The following CFAP92 variants were observed in gnomAD, a reference collection of about 807,000 sequenced individuals.
The protein encoded by CFAP92 is uncharacterized protein CFAP92.
CFAP92 carries 86 observed loss-of-function variants against 106.3 expected under a neutral mutation model. The ratio of observed to expected loss-of-function variants is 0.81; its 90% CI spans 0.68 to 0.97. The LOEUF (loss-of-function observed/expected upper bound fraction) is 0.97. Among genes scored for constraint, CFAP92 ranks in the 50% least tolerant of loss-of-function variants. CFAP92 has a pLI of 0.00. For synonymous variants in CFAP92, 477 were observed against 506.4 expected, an observed-to-expected ratio of 0.94 and a Z score of 0.78; for missense variants, 1,204 against 1,283.8, an observed-to-expected ratio of 0.94 and a Z score of 0.95.
rs1237392429 is a variant in CFAP92, at chr3:128,916,289, A to G, written c.2752-18T>C. ...ATATTTTTCTGAAGAAAGAGACACC[A>G]GTCACTACCCACACCAGGTCATCCT... On this transcript the variant is annotated intron_variant, in intron 12 of 15. Coordinates refer to ENST00000645291, the MANE Select transcript of CFAP92 (RefSeq NM_001394090.1). 1.6e-5 allele frequency: 20 copies of G among 1,231,706 alleles called. No homozygotes were observed. The highest frequency in any genetic ancestry group is 2.0e-5 in the Non-Finnish European group (20 of 987,688). The allele number at this position is 1,231,706 out of a possible 1,614,324, so 76.3% of individuals were successfully genotyped here. A position where few individuals can be genotyped will look rare whatever the true frequency, so the allele number is the denominator to read the frequency against.
At chr3:128,956,184 T>TAAAAAAAAAAAA (rs369899266) in intron 9 of CFAP92, among the ~76,000 whole-genome samples, 1 of 49,278 alleles carries the variant, frequency 2.0e-5, no homozygotes, top group Non-Finnish European at 3.8e-5. Context: ...AAAAATAAAT[T>TAAAAAAAAAAAA]AAAAAAAAAA....
At chr3:128,962,485 T>C (rs546682494) in intron 9 of CFAP92, among the ~76,000 whole-genome samples, 38 of 152,274 alleles carry the variant, frequency 2.5e-4, no homozygotes, top group African/African-American at 8.9e-4. Context: ...AACCAAATTA[T>C]CTGCTTCCCT....
intron 4 of CFAP92, among the ~76,000 whole-genome samples, chr3:128,982,359 T>C (rs1943586736): frequency 6.6e-6 from 1 of 152,256 alleles, no homozygotes; most frequent in African/African-American, 2.4e-5. Context: ...TGCAGCGTCC[T>C]CACCTCTCTC....
Position 128,910,169 on chromosome 3 carries a change from A to G in CFAP92, c.*130T>C. 4 of 1,613,918 alleles carry G rather than the reference A, an allele frequency of 2.5e-6. No individual in the cohort carries two copies. Among genetic ancestry groups the G allele is most frequent in the Non-Finnish European group, 3.4e-6 (4 of 1,180,036 alleles). ...CACGAGGTGAGCCCAGCCCAGCCTC[A>G]CACAGGGCCTGGCTGCTGCCATCTG... On this transcript the variant is annotated 3_prime_UTR_variant, in exon 16 of 16. Coordinates refer to ENST00000645291, the MANE Select transcript of CFAP92 (RefSeq NM_001394090.1).
At chr3:128,921,461 TG>T (rs779676736) in intron 12 of CFAP92, among the ~76,000 whole-genome samples, 33 of 152,242 alleles carry the variant, frequency 2.2e-4, no homozygotes, top group Non-Finnish European at 4.4e-4. Flanking sequence ...TTCAGTTAGC[TG>T]AATGTATTAA....
intron 12 of CFAP92, among the ~76,000 whole-genome samples, chr3:128,919,008 C>T (rs982964342): frequency 7.4e-6 from 1 of 135,760 alleles, no homozygotes; most frequent in Non-Finnish European, 1.5e-5. Context: ...AGTGGAATGG[C>T]GCGATCTTGG....
At chr3:128,968,362 T>C (rs1389950894) in intron 8 of CFAP92, 1 of 152,220 alleles carries the variant, frequency 6.6e-6, no homozygotes, top group Non-Finnish European at 1.5e-5. Flanking sequence ...ACATACATGA[T>C]CTATGGCCTA....
At chr3:129,012,479 T>G in the CFAP92 span, among the ~76,000 whole-genome samples, 2 of 152,164 alleles carry the variant, frequency 1.3e-5, no homozygotes, top group Non-Finnish European at 2.9e-5. Flanking sequence ...GGAACATGGC[T>G]GCAGGGACCC....
chr3:129,020,486 A>G, the CFAP92 span, among the ~76,000 whole-genome samples: 4 of 152,182 alleles, frequency 2.6e-5, no homozygotes, highest in East Asian at 7.7e-4. Context: ...AAAATACAAA[A>G]ATTGGCTGAG....
intron 4 of CFAP92, 166 bp from the exon 5 acceptor site, chr3:128,978,351 A>ACATAAT: frequency 1.6e-6 from 1 of 641,802 alleles, no homozygotes; most frequent in Non-Finnish European, 2.6e-6. Flanking sequence ...GTGCATATAA[A>ACATAAT]TTATGTTTAT....
At chr3:128,911,826 C>A (rs1936361491) in intron 15 of CFAP92, among the ~76,000 whole-genome samples, 2 of 152,226 alleles carry the variant, frequency 1.3e-5, no homozygotes, top group Admixed American at 6.5e-5. Flanking sequence ...CAGCATTTTA[C>A]CTGCCCCTTT....
intron 10 of CFAP92, among the ~76,000 whole-genome samples, chr3:128,941,436 T>G (rs984325705): frequency 6.6e-6 from 1 of 152,198 alleles, no homozygotes; most frequent in African/African-American, 2.4e-5. Context: ...AGGTTATACA[T>G]TTTCTTCTGA....
intron 7 of CFAP92, among the ~76,000 whole-genome samples, chr3:128,974,382 G>A (rs1943009602): frequency 6.6e-6 from 1 of 152,216 alleles, no homozygotes; most frequent in Non-Finnish European, 1.5e-5. Context: ...TGAGAAACTG[G>A]TGAGGGGATC....
rs576148277 is a variant in CFAP92 at position 128,979,484 on chromosome 3, G to A, written c.668-1299C>T. On this transcript the variant is annotated intron_variant, in intron 4 of 15. Transcript: ENST00000645291. ...GGATTATAAATCATGCTGCTGTAAAGACACATGCACACGTATGTTTATTGC... is the reference window on the plus strand; with the variant it reads ...GGATTATAAATCATGCTGCTGTAAAAACACATGCACACGTATGTTTATTGC... 8.9e-3 allele frequency among the ~76,000 whole-genome samples: 1,361 copies of A among 152,242 alleles called. 21 individuals carry two copies. The highest frequency in any genetic ancestry group is 0.031 in the African/African-American group (1,288 of 41,520).
upstream of CFAP92, chr3:129,003,823 C>T: frequency 6.8e-7 from 1 of 1,465,946 alleles, no homozygotes; most frequent in African/African-American, 1.5e-5. Flanking sequence ...AGGCGAGCAC[C>T]CACGAGATGG....
At chr3:128,921,060 C>T (rs571505812) in intron 12 of CFAP92, among the ~76,000 whole-genome samples, 2 of 152,298 alleles carry the variant, frequency 1.3e-5, no homozygotes, top group Non-Finnish European at 2.9e-5. Context: ...TGTGGGCTTC[C>T]AGAGCTCGGG....
chr3:129,003,816 C>T (rs1944921927), upstream of CFAP92: 4 of 1,463,988 alleles, frequency 2.7e-6, no homozygotes, highest in East Asian at 6.0e-5. Flanking sequence ...AAGAGCCAGG[C>T]GAGCACCCAC....
chr3:128,961,875 C>T (rs1172917445), intron 9 of CFAP92, among the ~76,000 whole-genome samples: 1 of 152,212 alleles, frequency 6.6e-6, no homozygotes, highest in African/African-American at 2.4e-5. Context: ...CTTGCCTCCA[C>T]TGTGAGACAA....
chr3:129,003,839 G>T, upstream of CFAP92: 1 of 1,462,056 alleles, frequency 6.8e-7, no homozygotes, highest in South Asian at 1.3e-5. Flanking sequence ...GATGGGGCAC[G>T]GCGGGCCGGA....
Sources: gnomAD v4.1 joint callset for allele counts (sites outside exome capture counted in the v4.1 genomes callset) on GRCh38, gnomAD v4.1.1 for gene constraint, MANE v1.5 for transcripts, NCBI Gene and HGNC (gene_info 2026-07-23, HGNC 2026-07-21) for gene names.